Variants in WWOX observed in about 807,000 individuals in gnomAD.
WWOX encodes the protein WW domain containing oxidoreductase.
Under a neutral mutation model 46.2 loss-of-function variants are expected in WWOX, and 69 were observed. The observed-to-expected ratio is 1.49, with a 90% CI of 1.23 to 1.82. The LOEUF (loss-of-function observed/expected upper bound fraction) is 1.82. Among genes scored for constraint, WWOX ranks in the 40% most tolerant of loss-of-function variants. The pLI is 0.00. For missense variants in WWOX, 919 were observed against 542.6 expected (o/e 1.69, Z -6.89); for synonymous variants, 359 against 202.6 (o/e 1.77, Z -6.56).
chr16:78,349,701 T>G (rs1289571700), intron 5 of WWOX, among the ~76,000 whole-genome samples: 1 of 119,386 alleles, frequency 8.4e-6, no homozygotes, highest in African/African-American at 2.8e-5. Context: ...AGGTGAAATT[T>G]GCAATTGTTT....
chr16:78,122,869 T>G (rs569442355), intron 4 of WWOX, among the ~76,000 whole-genome samples: 33 of 152,298 alleles, frequency 2.2e-4, no homozygotes, highest in African/African-American at 7.9e-4. Context: ...CCTCCCAAAG[T>G]GCTAGGATTA....
At chr16:79,116,467 A>G (rs969422175) in intron 8 of WWOX, among the ~76,000 whole-genome samples, 63 of 152,308 alleles carry the variant, frequency 4.1e-4, no homozygotes, top group African/African-American at 1.5e-3. Flanking sequence ...GTTCATGACA[A>G]TGTTCAGTGT....
chr16:78,107,359 G>C (rs562501450), intron 1 of WWOX, among the ~76,000 whole-genome samples: 1 of 152,234 alleles, frequency 6.6e-6, no homozygotes, highest in East Asian at 1.9e-4. Context: ...TAAGTTTGAC[G>C]CAAAAATAGG....
At chr16:78,550,528 A>G (rs2044148625) in intron 8 of WWOX, among the ~76,000 whole-genome samples, 1 of 152,208 alleles carries the variant, frequency 6.6e-6, no homozygotes, top group East Asian at 1.9e-4. Flanking sequence ...TAATTTCAAA[A>G]ATCATTTTCT....
At chr16:78,353,964 C>G (rs1018118847) in intron 5 of WWOX, among the ~76,000 whole-genome samples, 1 of 152,214 alleles carries the variant, frequency 6.6e-6, no homozygotes, top group African/African-American at 2.4e-5. Context: ...TCACCTCCAT[C>G]GCTTTCGTGC....
chr16:79,077,770 A>G (rs1234779514), intron 8 of WWOX: 4 of 151,996 alleles, frequency 2.6e-5, no homozygotes, highest in African/African-American at 9.7e-5. Context: ...ATCATTTGCT[A>G]ATAGAGATCT....
At chr16:78,989,184 A>G (rs2046836609) in intron 8 of WWOX, among the ~76,000 whole-genome samples, 1 of 152,174 alleles carries the variant, frequency 6.6e-6, no homozygotes, top group African/African-American at 2.4e-5. Flanking sequence ...GTTAGTGAGT[A>G]ATTGGGAATA....
At chr16:78,398,993 C>T (rs897034030) in intron 6 of WWOX, among the ~76,000 whole-genome samples, 8 of 146,670 alleles carry the variant, frequency 5.5e-5, no homozygotes, top group Non-Finnish European at 1.2e-4. Flanking sequence ...GAGGTAAGTA[C>T]AAGGAAGGGG....
chr16:78,217,765 G>T (rs1365141501), intron 5 of WWOX, among the ~76,000 whole-genome samples: 1 of 151,998 alleles, frequency 6.6e-6, no homozygotes, highest in Non-Finnish European at 1.5e-5. Context: ...TAATATATGG[G>T]GGTATAGGGA....
intron 8 of WWOX, among the ~76,000 whole-genome samples, chr16:78,464,863 T>A (rs1258337381): frequency 1.3e-5 from 2 of 152,142 alleles, no homozygotes; most frequent in Non-Finnish European, 2.9e-5. Flanking sequence ...ATTACTCCAT[T>A]CCCATACTTC....
At chr16:79,013,709 G>C (rs904657813) in intron 8 of WWOX, among the ~76,000 whole-genome samples, 12 of 152,348 alleles carry the variant, frequency 7.9e-5, no homozygotes, top group Admixed American at 5.2e-4. Context: ...GAACCAATCT[G>C]AAATCAGATG....
chr16:78,458,738 A>G (rs562196793), intron 8 of WWOX, among the ~76,000 whole-genome samples: 2 of 152,336 alleles, frequency 1.3e-5, no homozygotes, highest in East Asian at 1.9e-4. Context: ...ATGTGTATAC[A>G]TACATAGAAG....
At chr16:78,785,478 C>T (rs907285719) in intron 8 of WWOX, among the ~76,000 whole-genome samples, 1 of 152,202 alleles carries the variant, frequency 6.6e-6, no homozygotes, top group Non-Finnish European at 1.5e-5. Context: ...CAAACAAACA[C>T]ATTGTGCACC....
chr16:78,421,845 C>T (rs1046470842), intron 6 of WWOX, among the ~76,000 whole-genome samples: 2 of 151,990 alleles, frequency 1.3e-5, no homozygotes, highest in East Asian at 1.9e-4. Context: ...TTTTGCTGCC[C>T]CTGCTACATA....
At chr16:78,963,140 C>G (rs893634909) in intron 8 of WWOX, among the ~76,000 whole-genome samples, 2 of 152,148 alleles carry the variant, frequency 1.3e-5, no homozygotes, top group African/African-American at 4.8e-5. Context: ...TACCATTCCT[C>G]TTGTCTATCC....
At chr16:78,910,968 G>A (rs764819239) in intron 8 of WWOX, among the ~76,000 whole-genome samples, 2 of 151,970 alleles carry the variant, frequency 1.3e-5, no homozygotes, top group Non-Finnish European at 2.9e-5. Flanking sequence ...TCAAAATAAT[G>A]TGTTGTGCAC....
intron 8 of WWOX, among the ~76,000 whole-genome samples, chr16:78,598,135 A>G (rs974409847): frequency 2.0e-5 from 3 of 152,304 alleles, no homozygotes; most frequent in Middle Eastern, 6.8e-3. Context: ...TGGATTTTCT[A>G]CAAGCTGAGG....
chr16:78,863,867 G>C (rs944163589), intron 8 of WWOX, among the ~76,000 whole-genome samples: 19 of 152,294 alleles, frequency 1.2e-4, no homozygotes, highest in Admixed American at 7.2e-4. Flanking sequence ...ATGGTCTTTT[G>C]TGATTGGCCT....
intron 8 of WWOX, among the ~76,000 whole-genome samples, chr16:79,192,037 C>T (rs751629744): frequency 1.7e-4 from 26 of 152,144 alleles, no homozygotes; most frequent in Non-Finnish European, 3.5e-4. Flanking sequence ...GGGGCATTCG[C>T]GTTAGAGACA....
Sources: allele counts gnomAD v4.1 joint callset (sites outside exome capture counted in the v4.1 genomes callset), GRCh38; gene constraint gnomAD v4.1.1; transcripts MANE v1.5; gene names NCBI Gene and HGNC (gene_info 2026-07-23, HGNC 2026-07-21).